SFMBT2: variants seen among roughly 807,000 people sequenced by gnomAD.
SFMBT2 encodes the protein scm-like with four MBT domains protein 2.
Under a neutral mutation model 110.1 loss-of-function variants are expected in SFMBT2, and 38 were observed. The ratio of observed to expected loss-of-function variants is 0.35; its 90% CI spans 0.27 to 0.45. SFMBT2 has a LOEUF of 0.45. SFMBT2 is among the 20% of genes least tolerant of loss of function. The pLI, the probability that SFMBT2 is intolerant of heterozygous loss-of-function variation, is 1.00. For missense variants in SFMBT2, 1,011 were observed against 1,094.9 expected (o/e 0.92, Z 1.08); for synonymous variants, 425 against 425.4 (o/e 1.00, Z 0.01).
At chr10:7,192,833 C>A (rs1379429864) in intron 15 of SFMBT2, among the ~76,000 whole-genome samples, 1 of 152,104 alleles carries the variant, frequency 6.6e-6, no homozygotes, top group Admixed American at 6.5e-5. Context: ...CGGGGCACAC[C>A]GCATTCTGGT....
At chr10:7,314,975 A>AGG (rs371699066) in intron 4 of SFMBT2, among the ~76,000 whole-genome samples, 1 of 149,880 alleles carries the variant, frequency 6.7e-6, no homozygotes, top group East Asian at 2.0e-4. Flanking sequence ...AGAGAGAGAG[A>AGG]GGGAGAAAGA....
At chr10:7,322,599 T>A (rs1843226526) in intron 4 of SFMBT2, among the ~76,000 whole-genome samples, 1 of 134,252 alleles carries the variant, frequency 7.4e-6, no homozygotes, top group South Asian at 2.2e-4. Flanking sequence ...AATGAAAACT[T>A]ATGGAAGACA....
chr10:7,225,081 A>G (rs556156465), intron 10 of SFMBT2, among the ~76,000 whole-genome samples: 30 of 152,346 alleles, frequency 2.0e-4, no homozygotes, highest in African/African-American at 7.2e-4. Flanking sequence ...AGCCTCACGC[A>G]CAGCTATTAT....
intron 4 of SFMBT2, chr10:7,320,535 C>G: frequency 1.1e-6 from 1 of 918,494 alleles, no homozygotes; most frequent in Non-Finnish European, 1.3e-6. Flanking sequence ...ATGAAAGGAA[C>G]CATTTCACTA....
At position 7,170,997 on chromosome 10, in the gene SFMBT2, C is replaced by T. The variant is rs758102258; in HGVS notation, c.2475G>A (p.Thr825=). 5.0e-5 allele frequency: 80 copies of T among 1,614,066 alleles called. No individual in the cohort carries two copies. The South Asian group carries it at 7.5e-4, about 15-fold the overall frequency. Reference sequence around the variant, plus strand: ...TAATGAACCTCACCACGTCGGTGACCGTCCACTCCAACGGGTTGCTCTCCA... The same window carrying T: ...TAATGAACCTCACCACGTCGGTGACTGTCCACTCCAACGGGTTGCTCTCCA... The part of the protein sequence containing the change: ...LVLESNPLEW[T]VTDVVRFIKL... Residue 825 remains threonine, a synonymous_variant, in exon 20 of 21, where the codon ACG becomes ACA. Coordinates refer to ENST00000397167, the MANE Select transcript of SFMBT2 (RefSeq NM_001387889.1). This position sits in a 1 kb window ranked among gnomAD's most constrained non-coding sequence, Gnocchi z 4.6.
upstream of SFMBT2, among the ~76,000 whole-genome samples, chr10:7,411,146 C>A (rs1468682919): frequency 7.5e-6 from 1 of 133,106 alleles, no homozygotes; most frequent in Non-Finnish European, 1.5e-5. Flanking sequence ...CGAACTCCTT[C>A]AACGACCTTT....
At chr10:7,359,111 G>T (rs1244373436) in intron 4 of SFMBT2, among the ~76,000 whole-genome samples, 5 of 152,236 alleles carry the variant, frequency 3.3e-5, no homozygotes. Flanking sequence ...ACGAGGCAGG[G>T]TCAAGCCTGG....
At chr10:7,267,769 CAAA>C (rs1230808022) in intron 7 of SFMBT2, among the ~76,000 whole-genome samples, 1 of 152,044 alleles carries the variant, frequency 6.6e-6, no homozygotes, top group Non-Finnish European at 1.5e-5. Flanking sequence ...TTAAAGAACA[CAAA>C]AAAGTTCCAA....
intron 10 of SFMBT2, among the ~76,000 whole-genome samples, chr10:7,222,939 A>C (rs533584183): frequency 1.6e-4 from 24 of 152,286 alleles, no homozygotes; most frequent in African/African-American, 5.8e-4. Flanking sequence ...TACAGGTGTG[A>C]GCCACTGAGC....
intron 11 of SFMBT2, among the ~76,000 whole-genome samples, chr10:7,217,525 T>C (rs543431019): frequency 8.5e-4 from 130 of 152,222 alleles, no homozygotes; most frequent in Non-Finnish European, 1.4e-3. Context: ...AAAATGATTC[T>C]GAGAAACAAG....
intron 7 of SFMBT2, among the ~76,000 whole-genome samples, chr10:7,265,509 G>A (rs1841357725): frequency 6.6e-6 from 1 of 152,146 alleles, no homozygotes; most frequent in African/African-American, 2.4e-5. Context: ...CCCCTGAGAT[G>A]TCTTCTTAAT....
At chr10:7,200,393 C>T (rs1292401537) in intron 14 of SFMBT2, 21 bp downstream of exon 14, 1 of 1,554,544 alleles carries the variant, frequency 6.4e-7, no homozygotes, top group East Asian at 2.4e-5. Flanking sequence ...GCACAGAGAC[C>T]CCCTAAATGG....
chr10:7,237,417 T>C (rs2131702094), intron 9 of SFMBT2, among the ~76,000 whole-genome samples: 1 of 152,248 alleles, frequency 6.6e-6, no homozygotes, highest in East Asian at 1.9e-4. Context: ...AAGATATGCA[T>C]AGCGCATTAT....
intron 9 of SFMBT2, among the ~76,000 whole-genome samples, chr10:7,238,463 GC>G (rs1264846394): frequency 6.6e-6 from 1 of 152,132 alleles, no homozygotes; most frequent in Non-Finnish European, 1.5e-5. Context: ...GTTATTTTCT[GC>G]CCCCTTTGGT....
chr10:7,228,725 TTCTTTC>T (rs1839996065), intron 9 of SFMBT2, among the ~76,000 whole-genome samples: 1 of 108,470 alleles, frequency 9.2e-6, no homozygotes, highest in African/African-American at 4.3e-5. Flanking sequence ...CTTTCTTTCT[TTCTTTC>T]TTTCCTTTCT....
At position 7,351,700 on chromosome 10, in the gene SFMBT2, G is replaced by A. The variant is rs894925693; in HGVS notation, c.436+15949C>T. Among the ~76,000 whole-genome samples, 19 of 152,192 alleles carry A rather than the reference G, an allele frequency of 1.2e-4. No homozygotes were observed. The East Asian group carries it at 3.5e-3, about 28-fold the overall frequency. On this transcript the variant is annotated intron_variant, in intron 4 of 20. Transcript: ENST00000397167. ...CTCTGAGCTCACAGGGGGTAAAAAG[G>A]CAACTCTTCGACAGTATTCTGGACA...
chr10:7,178,221 C>T (rs1368628241), intron 16 of SFMBT2, among the ~76,000 whole-genome samples: 5 of 152,112 alleles, frequency 3.3e-5, no homozygotes, highest in Non-Finnish European at 5.9e-5. Context: ...CTGCTGCCTG[C>T]TTGTACCTTT....
chr10:7,170,782 T>G lies in SFMBT2; in HGVS notation c.2544+146A>C. On this transcript the variant is annotated intron_variant, in intron 20 of 20. Transcript: ENST00000397167. This position sits in a 1 kb window ranked among gnomAD's most constrained non-coding sequence, Gnocchi z 4.6. ...GCCAGGCAGCTCTCAGCAGGGGCCT[T>G]GGAGGGAGAAGGGTCTCGCACACCT... The G allele has an allele frequency of 4.5e-6, 4 of 887,208 alleles. No homozygotes were observed. Among genetic ancestry groups the G allele is most frequent in the Non-Finnish European group, 5.2e-6 (3 of 577,622 alleles). 55.0% of individuals were successfully genotyped at this position (887,208 alleles called of 1,614,324 possible).
At chr10:7,215,665 C>T (rs60815829) in intron 11 of SFMBT2, 33,288 of 985,388 alleles carry the variant, frequency 0.034, 703 homozygotes, top group South Asian at 0.13. Context: ...CAGAACCCTG[C>T]AGGGAGGAGA....
Sources: allele counts gnomAD v4.1 joint callset (sites outside exome capture counted in the v4.1 genomes callset), GRCh38; gene constraint gnomAD v4.1.1; non-coding constraint Gnocchi (gnomAD v3.1); transcripts MANE v1.5; gene names NCBI Gene and HGNC (gene_info 2026-07-23, HGNC 2026-07-21).